FANCL: variants seen among roughly 807,000 people sequenced by gnomAD.
FANCL encodes E3 ubiquitin-protein ligase FANCL.
FANCL carries 69 observed loss-of-function variants against 59.4 expected under a neutral mutation model. The ratio of observed to expected loss-of-function variants is 1.16; its 90% CI spans 0.96 to 1.42. FANCL has a LOEUF of 1.42. FANCL is among the 40% of genes most tolerant of loss of function. The probability of loss-of-function intolerance (pLI) is 0.00; values close to 1 mark genes in which losing one functional copy is unlikely to be tolerated. For synonymous variants in FANCL, 180 were observed against 147.1 expected (o/e 1.22, Z -1.62); for missense variants, 519 against 447.2 (o/e 1.16, Z -1.45).
Position 58,221,984 on chromosome 2 carries a change from T to C in FANCL, c.332A>G (p.Tyr111Cys), listed in dbSNP as rs757683704. 19 of 1,613,378 alleles carry C rather than the reference T, an allele frequency of 1.2e-5. No homozygotes were observed. The highest frequency in any genetic ancestry group is 1.6e-5 in the Non-Finnish European group (19 of 1,179,566). The part of the protein sequence containing the change: ...LYALPPPPQF[Y>C]SSLIEEIGTL... ...TCCTATCTCTTCAATAAGGCTTGAGTAGAACTGGGGAGGAGGAGGTAGTGC... is the reference window on the plus strand; with the variant it reads ...TCCTATCTCTTCAATAAGGCTTGAGCAGAACTGGGGAGGAGGAGGTAGTGC... The change falls in exon 5 of 14, where the codon TAC (tyrosine) becomes TGC (cysteine). Residue 111 changes from tyrosine (Y) to cysteine (C), a missense_variant. Tyr to Cys is a radical substitution (Grantham distance 194). Transcript: ENST00000233741.
chr2:58,194,131 T>A (rs73944834), intron 7 of FANCL: 7 of 430,624 alleles, frequency 1.6e-5, no homozygotes, highest in African/African-American at 1.2e-4. Context: ...GATAAAAAAA[T>A]ATAAAGACCA....
At chr2:58,189,204 T>C (rs1384373346) in intron 7 of FANCL, among the ~76,000 whole-genome samples, 4 of 152,128 alleles carry the variant, frequency 2.6e-5, no homozygotes, top group African/African-American at 9.7e-5. Context: ...TGTGTGTAGA[T>C]ATTTGTCAAA....
chr2:58,227,303 G>A (rs543201171), intron 3 of FANCL, among the ~76,000 whole-genome samples: 1 of 152,318 alleles, frequency 6.6e-6, no homozygotes, highest in South Asian at 2.1e-4. Context: ...AGCTCAATTA[G>A]ACCCCTGCCT....
chr2:58,170,616 G>C (rs1289471421), intron 7 of FANCL, among the ~76,000 whole-genome samples: 1 of 151,230 alleles, frequency 6.6e-6, no homozygotes, highest in Non-Finnish European at 1.5e-5. Context: ...CTGTATTCAG[G>C]AGATCCATCT....
At chr2:58,185,400 C>A (rs1288429474) in intron 7 of FANCL, among the ~76,000 whole-genome samples, 1 of 152,068 alleles carries the variant, frequency 6.6e-6, no homozygotes, top group Admixed American at 6.6e-5. Flanking sequence ...TCTGAACACA[C>A]ATACTGAAAA....
intron 6 of FANCL, among the ~76,000 whole-genome samples, chr2:58,201,405 ATTTT>A (rs1419218054): frequency 6.6e-6 from 1 of 152,008 alleles, no homozygotes; most frequent in African/African-American, 2.4e-5. Flanking sequence ...TTAAGTATAT[ATTTT>A]TATCACACAC....
Position 58,226,768 on chromosome 2 carries a change from G to A in FANCL, c.233C>T (p.Pro78Leu). ...RIVQQRMQHS[P>L]DLMSFMMELK... ...CTCCATCATAAAGCTCATTAGATCAGGAGAGTGCTGCATTCTCTAGATCAA... is the reference window on the plus strand; with the variant it reads ...CTCCATCATAAAGCTCATTAGATCAAGAGAGTGCTGCATTCTCTAGATCAA... Residue 78 changes from proline (P) to leucine (L), a missense_variant, in exon 4 of 14, where the codon CCT (proline) becomes CTT (leucine). By Grantham distance (98) the Pro-to-Leu change is moderately conservative. Coordinates refer to ENST00000233741, the MANE Select transcript of FANCL (RefSeq NM_018062.4). 2 of 1,612,962 alleles carry A rather than the reference G, an allele frequency of 1.2e-6. No homozygotes were observed. Among genetic ancestry groups the A allele is most frequent in the Non-Finnish European group, 1.7e-6 (2 of 1,179,480 alleles).
At position 58,196,987 on chromosome 2, in the gene FANCL, AAAAG is replaced by A. The variant is rs534925147; in HGVS notation, c.540+1603_540+1606del. Among the ~76,000 whole-genome samples the A allele has an allele frequency of 4.1e-3, 627 of 151,990 alleles. 6 individuals are homozygous for A. The highest frequency in any genetic ancestry group is 0.014 in the African/African-American group (586 of 41,544). On this transcript the variant is annotated intron_variant, in intron 7 of 13. Transcript: ENST00000233741. ...TCTCATGAAATTTTTTTAAAATAAAAAAAGAAAGCTATAAAATTTATGCATAATT... is the reference window on the plus strand; with the variant it reads ...TCTCATGAAATTTTTTTAAAATAAAAAAAGCTATAAAATTTATGCATAATT...
intron 13 of FANCL, 25 bp from the exon 14 acceptor site, chr2:58,159,825 CAA>C: frequency 3.7e-6 from 6 of 1,611,520 alleles, no homozygotes; most frequent in Non-Finnish European, 5.1e-6. Flanking sequence ...CATATTTTAA[CAA>C]AGTTTGTGGA....
Position 58,176,488 on chromosome 2 carries a change from T to C in FANCL, c.541-10614A>G, listed in dbSNP as rs1687331506. Among the ~76,000 whole-genome samples the C allele has an allele frequency of 3.3e-5, 5 of 152,054 alleles. No individual in the cohort carries two copies. In the South Asian group the frequency reaches 1.0e-3, roughly 32 times the overall value. ...AGAAATAACGCCGCATATCTACAAC[T>C]ACCTGATCGTTGACAAACCTGAGAA... On this transcript the variant is annotated intron_variant, in intron 7 of 13. Transcript: ENST00000233741.
At chr2:58,222,687 G>C (rs915577525) in intron 4 of FANCL, among the ~76,000 whole-genome samples, 1 of 151,852 alleles carries the variant, frequency 6.6e-6, no homozygotes, top group Non-Finnish European at 1.5e-5. Context: ...TTTTTTACAA[G>C]ACACATAAAC....
chr2:58,196,037 T>C (rs886526946), intron 7 of FANCL, among the ~76,000 whole-genome samples: 16 of 152,212 alleles, frequency 1.1e-4, no homozygotes, highest in African/African-American at 3.9e-4. Flanking sequence ...AAGTTGCTGA[T>C]TAACATAATG....
chr2:58,186,533 G>C (rs879853526), intron 7 of FANCL, among the ~76,000 whole-genome samples: 1 of 152,206 alleles, frequency 6.6e-6, no homozygotes, highest in Non-Finnish European at 1.5e-5. Flanking sequence ...GGTTATTGTA[G>C]TCAATGGTAG....
At chr2:58,190,211 T>TA (rs112566764) in intron 7 of FANCL, among the ~76,000 whole-genome samples, 47 of 152,108 alleles carry the variant, frequency 3.1e-4, no homozygotes, top group African/African-American at 1.1e-3. Context: ...CTTCTATACT[T>TA]AAGTTATTTT....
intron 5 of FANCL, among the ~76,000 whole-genome samples, chr2:58,209,062 C>A (rs1397253393): frequency 6.6e-6 from 1 of 152,128 alleles, no homozygotes; most frequent in Admixed American, 6.5e-5. Context: ...AAAGCTTATC[C>A]CAACATTCAT....
intron 5 of FANCL, among the ~76,000 whole-genome samples, chr2:58,218,493 C>T (rs1011369856): frequency 2.0e-5 from 3 of 151,188 alleles, no homozygotes; most frequent in African/African-American, 4.9e-5. Flanking sequence ...TTAAAATGAA[C>T]GTAGGATGAA....
At chr2:58,171,414 T>C (rs1349982462) in intron 7 of FANCL, among the ~76,000 whole-genome samples, 2 of 151,962 alleles carry the variant, frequency 1.3e-5, no homozygotes, top group African/African-American at 2.4e-5. Context: ...AATGCCCACA[T>C]GAGAAAGCAG....
At chr2:58,201,931 A>G (rs928285460) in intron 6 of FANCL, among the ~76,000 whole-genome samples, 1 of 151,778 alleles carries the variant, frequency 6.6e-6, no homozygotes, top group Non-Finnish European at 1.5e-5. Flanking sequence ...AGGTTTGTGT[A>G]TTTATGAAAA....
Position 58,159,638 on chromosome 2 carries a change from GCAT to G in FANCL, c.*124_*126del, listed in dbSNP as rs775146550. 4 of 1,613,596 alleles carry G rather than the reference GCAT, an allele frequency of 2.5e-6. No individual in the cohort carries two copies. The highest frequency in any genetic ancestry group is 3.4e-6 in the Non-Finnish European group (4 of 1,179,726). ...ACAAACGCAGATGTTTATTATTATCGCATCATCATACCTGTCCTTTTGATGTTA... is the reference window on the plus strand; with the variant it reads ...ACAAACGCAGATGTTTATTATTATCGCATCATACCTGTCCTTTTGATGTTA... On this transcript the variant is annotated 3_prime_UTR_variant, in exon 14 of 14. Coordinates refer to ENST00000233741, the MANE Select transcript of FANCL (RefSeq NM_018062.4).
Sources: allele counts gnomAD v4.1 joint callset (sites outside exome capture counted in the v4.1 genomes callset), GRCh38; gene constraint gnomAD v4.1.1; transcripts MANE v1.5; gene names NCBI Gene and HGNC (gene_info 2026-07-23, HGNC 2026-07-21).